Variants in RIMS2 observed in about 807,000 individuals in gnomAD.
The protein encoded by RIMS2 is regulating synaptic membrane exocytosis protein 2.
Under a neutral mutation model 174.4 loss-of-function variants are expected in RIMS2, and 59 were observed. The ratio of observed to expected loss-of-function variants is 0.34; its 90% CI spans 0.27 to 0.42. RIMS2 has a LOEUF of 0.42. RIMS2 is among the 10% of genes least tolerant of loss of function. The probability of loss-of-function intolerance (pLI) is 1.00; values close to 1 mark genes in which losing one functional copy is unlikely to be tolerated. For synonymous variants in RIMS2, 606 were observed against 572.5 expected (o/e 1.06, Z -0.84); for missense variants, 1,620 against 1,666.3 (o/e 0.97, Z 0.48).
intron 2 of RIMS2, among the ~76,000 whole-genome samples, chr8:103,714,550 C>T (rs1489735464): frequency 1.3e-5 from 2 of 152,010 alleles, no homozygotes; most frequent in Non-Finnish European, 2.9e-5. Context: ...GATGGAATAC[C>T]TCTATCTAAA....
chr8:104,108,640 AT>A (rs2098121901), intron 19 of RIMS2, among the ~76,000 whole-genome samples: 1 of 152,010 alleles, frequency 6.6e-6, no homozygotes. Context: ...CTCTTGTTAG[AT>A]TTCATGCAGG....
chr8:104,252,730 C>A (rs1440782940), downstream of RIMS2: 1 of 152,142 alleles, frequency 6.6e-6, no homozygotes, highest in East Asian at 1.9e-4. Flanking sequence ...ACTTAAAATT[C>A]TCTTTATGTG....
chr8:103,506,102 A>G (rs1252872752), intron 1 of RIMS2, among the ~76,000 whole-genome samples: 3 of 152,148 alleles, frequency 2.0e-5, no homozygotes, highest in South Asian at 2.1e-4. Context: ...TAAAAATTGC[A>G]TATGTAAACC....
intron 1 of RIMS2, among the ~76,000 whole-genome samples, chr8:103,546,709 A>G (rs566608944): frequency 3.9e-4 from 59 of 152,318 alleles, no homozygotes; most frequent in African/African-American, 1.3e-3. Context: ...ATGAAAATAG[A>G]AATCAATGCT....
intron 1 of RIMS2, among the ~76,000 whole-genome samples, chr8:103,579,206 G>A (rs929187406): frequency 1.3e-5 from 2 of 151,598 alleles, no homozygotes; most frequent in Non-Finnish European, 2.9e-5. Context: ...AGTTCAGGAC[G>A]AGGGCAGCAT....
At chr8:104,158,047 C>T (rs1816934) in intron 19 of RIMS2, among the ~76,000 whole-genome samples, 47,867 of 151,978 alleles carry the variant, frequency 0.31, 7,759 homozygotes, top group South Asian at 0.51. Context: ...TTTCTCCTAA[C>T]GCTATCCCTC....
At chr8:103,584,801 A>T (rs2093815596) in intron 1 of RIMS2, among the ~76,000 whole-genome samples, 1 of 152,208 alleles carries the variant, frequency 6.6e-6, no homozygotes, top group African/African-American at 2.4e-5. Flanking sequence ...CTGGAGGAAG[A>T]CAGGAATTAA....
intron 4 of RIMS2, among the ~76,000 whole-genome samples, chr8:103,903,339 T>G (rs2073641090): frequency 6.6e-6 from 1 of 152,108 alleles, no homozygotes; most frequent in Non-Finnish European, 1.5e-5. Flanking sequence ...ATAAACATGA[T>G]GAAGTTGAAA....
Position 103,668,653 on chromosome 8 carries a change from GATTT to G in RIMS2, c.177-28406_177-28403del, listed in dbSNP as rs139537432. Among the ~76,000 whole-genome samples, 263 of 149,186 alleles carry G rather than the reference GATTT, an allele frequency of 1.8e-3. 2 individuals carry two copies. Among genetic ancestry groups the G allele is most frequent in the African/African-American group, 5.4e-3 (219 of 40,326 alleles). ...CCATGGTGAGTCATGGAGTATAGACGATTTATTTATTTATTTATTTATTTATTTA... is the reference window on the plus strand; with the variant it reads ...CCATGGTGAGTCATGGAGTATAGACGATTTATTTATTTATTTATTTATTTA... On this transcript the variant is annotated intron_variant, in intron 1 of 23. Transcript: ENST00000504942.
intron 2 of RIMS2, among the ~76,000 whole-genome samples, chr8:103,756,979 CTGTGTGTGTGTGTGTGTG>C (rs71575983): frequency 5.2e-5 from 7 of 134,960 alleles, no homozygotes; most frequent in Non-Finnish European, 1.1e-4. Flanking sequence ...GTGTGTGTGT[CTGTGTGTGTGTGTGTGTG>C]TGTGTGTGTG....
rs71513084 is a variant in RIMS2, at chr8:103,623,794, A to AT, written c.177-73280dup. ...GTGAGCCACCGCGCCCGGTCTCTTC[A>AT]TTTTTTTTTTTTAAAAAGGAAGGAA... On this transcript the variant is annotated intron_variant, in intron 1 of 23. Transcript: ENST00000504942. Among the ~76,000 whole-genome samples, 71 of 147,732 alleles carry AT rather than the reference A, an allele frequency of 4.8e-4. 1 individual carries two copies. In the South Asian group the frequency reaches 6.2e-3, roughly 13 times the overall value.
intron 19 of RIMS2, among the ~76,000 whole-genome samples, chr8:104,135,217 G>A (rs1259886477): frequency 6.6e-6 from 1 of 152,150 alleles, no homozygotes; most frequent in Admixed American, 6.6e-5. Flanking sequence ...TATTGTATGA[G>A]TGGGGAGAAC....
Position 103,694,413 on chromosome 8 carries a change from T to A in RIMS2, c.177-2673T>A, listed in dbSNP as rs139636606. ...GAGGCTGGGTCTTTGTGTGATGGCT[T>A]GATGACTAGGGCTTTAGGCACTTGT... On this transcript the variant is annotated intron_variant, in intron 1 of 23. Coordinates refer to ENST00000504942, the Ensembl canonical transcript of RIMS2. Among the ~76,000 whole-genome samples the A allele has an allele frequency of 2.6e-3, 391 of 152,172 alleles. 2 individuals are homozygous for A. The highest frequency in any genetic ancestry group is 8.8e-3 in the African/African-American group (367 of 41,516).
chr8:103,581,140 C>T (rs2093597294), intron 1 of RIMS2, among the ~76,000 whole-genome samples: 2 of 152,062 alleles, frequency 1.3e-5, no homozygotes, highest in Non-Finnish European at 2.9e-5. Context: ...CTTTCAAACT[C>T]ATTCTACTAG....
At chr8:103,993,945 G>A (rs2094898036) in intron 17 of RIMS2, among the ~76,000 whole-genome samples, 1 of 151,114 alleles carries the variant, frequency 6.6e-6, no homozygotes, top group Middle Eastern at 3.2e-3. Context: ...AGCTACTCAG[G>A]AGGCTGAGGT....
At position 103,647,896 on chromosome 8, in the gene RIMS2, A is replaced by ATT. The variant is rs71297225; in HGVS notation, c.177-49177_177-49176dup. 2.1e-3 allele frequency among the ~76,000 whole-genome samples: 241 copies of ATT among 114,584 alleles called. 1 individual carries two copies. The highest frequency in any genetic ancestry group is 4.1e-3 in the African/African-American group (135 of 32,632). 75.2% of individuals were successfully genotyped at this position (114,584 alleles called of 152,430 possible). A position where few individuals can be genotyped will look rare whatever the true frequency, so the allele number is the denominator to read the frequency against. ...TGCTGGGTTCATTGATTTTTTTTTGATTTTTTTTTTTTTTAATTTTTGTAT... is the reference window on the plus strand; with the variant it reads ...TGCTGGGTTCATTGATTTTTTTTTGATTTTTTTTTTTTTTTTAATTTTTGTAT... On this transcript the variant is annotated intron_variant, in intron 1 of 23. Coordinates refer to ENST00000504942, the Ensembl canonical transcript of RIMS2.
intron 1 of RIMS2, among the ~76,000 whole-genome samples, chr8:103,586,527 A>G (rs2093929695): frequency 6.6e-6 from 1 of 152,174 alleles, no homozygotes; most frequent in East Asian, 1.9e-4. Context: ...TAAGAAGGAA[A>G]CTGAAAAATT....
intron 17 of RIMS2, among the ~76,000 whole-genome samples, chr8:103,994,178 A>G (rs2094920213): frequency 6.6e-6 from 1 of 152,120 alleles, no homozygotes; most frequent in Non-Finnish European, 1.5e-5. Context: ...TGTATGGACT[A>G]AAGTGATTCC....
intron 19 of RIMS2, among the ~76,000 whole-genome samples, chr8:104,172,505 G>A (rs1030157774): frequency 2.0e-5 from 3 of 152,164 alleles, no homozygotes; most frequent in Admixed American, 6.5e-5. Flanking sequence ...GTCAGAACAC[G>A]GCCAAGTTCA....
Sources: allele counts gnomAD v4.1 joint callset (sites outside exome capture counted in the v4.1 genomes callset), GRCh38; gene constraint gnomAD v4.1.1; transcripts MANE v1.5; gene names NCBI Gene and HGNC (gene_info 2026-07-23, HGNC 2026-07-21).